Variants in GPC6 observed in about 807,000 individuals in gnomAD.
GPC6 encodes glypican-6.
A neutral mutation model predicts 55.2 loss-of-function variants in GPC6; 14 were observed. The ratio of observed to expected loss-of-function variants is 0.25; its 90% CI spans 0.17 to 0.40. The LOEUF (loss-of-function observed/expected upper bound fraction) is 0.40. Among genes scored for constraint, GPC6 ranks in the 10% least tolerant of loss-of-function variants. The pLI is 1.00. For missense variants in GPC6, 641 were observed against 708.5 expected (o/e 0.90, Z 1.08); for synonymous variants, 278 against 259.6 (o/e 1.07, Z -0.68).
chr13:93,754,965 T>A (rs779613623), intron 2 of GPC6, among the ~76,000 whole-genome samples: 2 of 152,194 alleles, frequency 1.3e-5, no homozygotes, highest in Non-Finnish European at 2.9e-5. Context: ...TTCTATAGAC[T>A]GGATAAATAT....
At chr13:93,404,644 A>G (rs2139236544) in intron 1 of GPC6, among the ~76,000 whole-genome samples, 1 of 152,288 alleles carries the variant, frequency 6.6e-6, no homozygotes, top group Middle Eastern at 3.4e-3. Flanking sequence ...TACCACTGCA[A>G]TGATTAAACA....
chr13:93,965,301 C>T (rs1879991223), intron 3 of GPC6, among the ~76,000 whole-genome samples: 2 of 151,866 alleles, frequency 1.3e-5, no homozygotes, highest in Admixed American at 6.6e-5. Flanking sequence ...GTCCCAGCTA[C>T]TCGGGAGGCT....
chr13:94,306,231 G>T (rs1430185343), intron 6 of GPC6, 108 bp downstream of exon 6: 1 of 1,032,384 alleles, frequency 9.7e-7, no homozygotes, highest in Non-Finnish European at 1.5e-6. Context: ...GTCATCTCAT[G>T]CTTATATCTG....
chr13:93,797,569 TGC>T (rs200955154), intron 2 of GPC6, among the ~76,000 whole-genome samples: 2,292 of 152,348 alleles, frequency 0.015, 26 homozygotes, highest in Middle Eastern at 0.048. Flanking sequence ...AATTTTGAGT[TGC>T]CAGTTTAACT....
chr13:93,865,120 GA>G (rs1490034282), intron 3 of GPC6, among the ~76,000 whole-genome samples: 1 of 151,598 alleles, frequency 6.6e-6, no homozygotes, highest in Non-Finnish European at 1.5e-5. Flanking sequence ...AGATGTTTTA[GA>G]AGATATGGTT....
At position 93,921,935 on chromosome 13, in the gene GPC6, C is replaced by A. The variant is rs550627139; in HGVS notation, c.711+91390C>A. Among the ~76,000 whole-genome samples, 152 of 150,930 alleles carry A rather than the reference C, an allele frequency of 1.0e-3. 6 individuals carry two copies. In the South Asian group the frequency reaches 0.029, roughly 29 times the overall value. ...CCTGTCTCCTGTCCGTATCAATATG[C>A]TAAGTGCCTGTGGGAGAAAAAAAAA... On this transcript the variant is annotated intron_variant, in intron 3 of 8. Transcript: ENST00000377047.
At chr13:94,075,015 AT>A (rs145362107) in intron 4 of GPC6, among the ~76,000 whole-genome samples, 4,858 of 151,740 alleles carry the variant, frequency 0.032, 209 homozygotes, top group African/African-American at 0.099. Context: ...TAGACCTTAA[AT>A]TTTTTTTTAT....
At chr13:94,126,118 C>T (rs1886799278) in intron 4 of GPC6, among the ~76,000 whole-genome samples, 1 of 152,132 alleles carries the variant, frequency 6.6e-6, no homozygotes, top group African/African-American at 2.4e-5. Flanking sequence ...TGGCTCATGC[C>T]TGTAATCCCA....
intron 2 of GPC6, among the ~76,000 whole-genome samples, chr13:93,788,518 T>TACACACACACACAC (rs71203703): frequency 0.03 from 4,508 of 147,968 alleles, 185 homozygotes; most frequent in East Asian, 0.13. Context: ...GTTCACTCTT[T>TACACACACACACAC]ACACACACAC....
intron 2 of GPC6, among the ~76,000 whole-genome samples, chr13:93,733,444 G>T (rs1883895556): frequency 6.6e-6 from 1 of 151,578 alleles, no homozygotes; most frequent in Admixed American, 6.6e-5. Context: ...TTAGAAAAAT[G>T]TCACTGTGTA....
At chr13:93,490,477 T>TTC (rs1555304743) in intron 1 of GPC6, among the ~76,000 whole-genome samples, 26 of 138,874 alleles carry the variant, frequency 1.9e-4, no homozygotes, top group Non-Finnish European at 3.5e-4. Flanking sequence ...TTTTTTTTTT[T>TTC]CAACTTGAGT....
At position 93,431,743 on chromosome 13, in the gene GPC6, A is replaced by G. The variant is rs539665384; in HGVS notation, c.161-113520A>G. On this transcript the variant is annotated intron_variant, in intron 1 of 8. Transcript: ENST00000377047. Reference sequence around the variant, plus strand: ...GAATTTTGAATGAAGGATGAGACAAATTTGGCACGCAGAAAAAGATGGACA... The same window carrying G: ...GAATTTTGAATGAAGGATGAGACAAGTTTGGCACGCAGAAAAAGATGGACA... Among the ~76,000 whole-genome samples the G allele has an allele frequency of 1.6e-4, 25 of 152,292 alleles. No individual in the cohort carries two copies. The South Asian group carries it at 1.9e-3, about 11-fold the overall frequency.
intron 4 of GPC6, among the ~76,000 whole-genome samples, chr13:94,137,234 G>T (rs1566452394): frequency 6.6e-6 from 1 of 152,150 alleles, no homozygotes; most frequent in Non-Finnish European, 1.5e-5. Context: ...TTGGGGAAAA[G>T]ATCTTGGCTA....
At chr13:93,911,255 A>G (rs1336311102) in intron 3 of GPC6, among the ~76,000 whole-genome samples, 1 of 152,218 alleles carries the variant, frequency 6.6e-6, no homozygotes, top group Non-Finnish European at 1.5e-5. Flanking sequence ...CTCAGGTCTC[A>G]TATATGTATC....
At chr13:93,721,362 A>G (rs1264361594) in intron 2 of GPC6, among the ~76,000 whole-genome samples, 1 of 151,712 alleles carries the variant, frequency 6.6e-6, no homozygotes. Flanking sequence ...AACTATTATT[A>G]TTAAAAGGAA....
At chr13:94,107,405 T>G (rs1187995368) in intron 4 of GPC6, among the ~76,000 whole-genome samples, 1 of 152,166 alleles carries the variant, frequency 6.6e-6, no homozygotes, top group Non-Finnish European at 1.5e-5. Flanking sequence ...TTTGCTGGCC[T>G]GTGTTGATCA....
At chr13:94,242,178 T>C (rs1366717331) in intron 4 of GPC6, among the ~76,000 whole-genome samples, 2 of 152,060 alleles carry the variant, frequency 1.3e-5, no homozygotes, top group African/African-American at 4.8e-5. Flanking sequence ...GTTTGGTTTT[T>C]TGTCCTTGCG....
At chr13:93,744,333 C>G (rs1284300643) in intron 2 of GPC6, among the ~76,000 whole-genome samples, 1 of 152,082 alleles carries the variant, frequency 6.6e-6, no homozygotes, top group African/African-American at 2.4e-5. Flanking sequence ...TACCCATGAA[C>G]TGCTGCCTTC....
At chr13:93,926,092 G>A (rs985814561) in intron 3 of GPC6, among the ~76,000 whole-genome samples, 2 of 152,130 alleles carry the variant, frequency 1.3e-5, no homozygotes, top group Admixed American at 1.3e-4. Flanking sequence ...ATAGAGCAAG[G>A]TGGAAGCCTT....
Sources: gnomAD v4.1 joint callset for allele counts (sites outside exome capture counted in the v4.1 genomes callset) on GRCh38, gnomAD v4.1.1 for gene constraint, MANE v1.5 for transcripts, NCBI Gene and HGNC (gene_info 2026-07-23, HGNC 2026-07-21) for gene names.